PACRG: variants seen among roughly 807,000 people sequenced by gnomAD.
PACRG encodes parkin coregulated gene protein.
PACRG carries 29 observed loss-of-function variants against 29.7 expected under a neutral mutation model. The ratio of observed to expected loss-of-function variants is 0.98; its 90% confidence interval spans 0.73 to 1.33. PACRG has a LOEUF of 1.33. Ranked by LOEUF, PACRG falls within the 40% of genes most tolerant of loss-of-function variation. The pLI, the probability that PACRG is intolerant of heterozygous loss-of-function variation, is 0.00. For missense variants in PACRG, 279 were observed against 316.2 expected, an observed-to-expected ratio of 0.88 and a Z score of 0.89; for synonymous variants, 116 against 118.7, an observed-to-expected ratio of 0.98 and a Z score of 0.15.
intron 2 of PACRG, among the ~76,000 whole-genome samples, chr6:163,035,624 C>T (rs571479347): frequency 7.4e-5 from 11 of 149,156 alleles, no homozygotes; most frequent in East Asian, 5.9e-4. Flanking sequence ...CCAGCCTGGG[C>T]GACAGAGTAA....
At chr6:162,789,412 T>A (rs575640373) in intron 1 of PACRG, among the ~76,000 whole-genome samples, 144 of 152,282 alleles carry the variant, frequency 9.5e-4, no homozygotes, top group African/African-American at 3.3e-3. Flanking sequence ...TATTGGTACA[T>A]CAAGTATTTG....
chr6:163,080,114 G>T (rs749630840), intron 3 of PACRG, among the ~76,000 whole-genome samples: 1 of 151,790 alleles, frequency 6.6e-6, no homozygotes, highest in Non-Finnish European at 1.5e-5. Context: ...TAGCCAGGAT[G>T]GTCTCGATCT....
intron 4 of PACRG, chr6:163,112,076 G>T: frequency 6.3e-6 from 6 of 953,826 alleles, no homozygotes; most frequent in Non-Finnish European, 7.5e-6. Flanking sequence ...TAAAAGCAAG[G>T]CATTGAGGGA....
intron 2 of PACRG, among the ~76,000 whole-genome samples, chr6:162,868,365 A>G (rs1203211496): frequency 1.3e-5 from 2 of 152,254 alleles, no homozygotes; most frequent in Non-Finnish European, 2.9e-5. Flanking sequence ...AGAATTATCT[A>G]ACAGACAGAA....
intron 1 of PACRG, among the ~76,000 whole-genome samples, chr6:162,763,219 A>C (rs1252561164): frequency 6.6e-6 from 1 of 152,226 alleles, no homozygotes; most frequent in Non-Finnish European, 1.5e-5. Flanking sequence ...TATGGCTTGC[A>C]GTAAATGTTA....
chr6:163,002,841 A>T (rs1348916014), intron 2 of PACRG, among the ~76,000 whole-genome samples: 1 of 152,030 alleles, frequency 6.6e-6, no homozygotes, highest in African/African-American at 2.4e-5. Context: ...GAGAACCTTG[A>T]CTCCTCTGCA....
chr6:163,103,648 C>A (rs1385550672), intron 4 of PACRG, among the ~76,000 whole-genome samples: 1 of 152,082 alleles, frequency 6.6e-6, no homozygotes, highest in Admixed American at 6.5e-5. Context: ...GACTGAATAA[C>A]AAGGGGACGG....
At chr6:162,766,119 A>C (rs1191146831) in intron 1 of PACRG, among the ~76,000 whole-genome samples, 3 of 152,168 alleles carry the variant, frequency 2.0e-5, no homozygotes, top group Non-Finnish European at 4.4e-5. Context: ...TATGTAATAC[A>C]TTATGATTAA....
At chr6:163,044,532 C>G (rs1809114680) in intron 2 of PACRG, 1 of 152,096 alleles carries the variant, frequency 6.6e-6, no homozygotes, top group Non-Finnish European at 1.5e-5. Flanking sequence ...TTATGAAACA[C>G]AAGTTGTGAT....
At chr6:163,307,631 G>T (rs768022422) in intron 4 of PACRG, among the ~76,000 whole-genome samples, 12 of 152,162 alleles carry the variant, frequency 7.9e-5, no homozygotes, top group South Asian at 2.1e-4. Context: ...GGAAGCAGTG[G>T]CTAAGCATGG....
chr6:162,831,652 C>G (rs1286047216), intron 2 of PACRG, among the ~76,000 whole-genome samples: 1 of 152,134 alleles, frequency 6.6e-6, no homozygotes, highest in African/African-American at 2.4e-5. Context: ...GCTCTCCCTC[C>G]CCATGCACCT....
At chr6:162,783,114 T>C (rs955691398) in intron 1 of PACRG, among the ~76,000 whole-genome samples, 2 of 151,910 alleles carry the variant, frequency 1.3e-5, no homozygotes, top group Admixed American at 6.6e-5. Flanking sequence ...TTGTGATTGA[T>C]GAAATATTGC....
At chr6:163,026,064 A>G (rs1807100642) in intron 2 of PACRG, among the ~76,000 whole-genome samples, 1 of 152,244 alleles carries the variant, frequency 6.6e-6, no homozygotes, top group Non-Finnish European at 1.5e-5. Flanking sequence ...AAAGTTGGGC[A>G]CATCACATTG....
chr6:162,812,384 A>T (rs1427897037), intron 1 of PACRG, among the ~76,000 whole-genome samples: 1 of 152,136 alleles, frequency 6.6e-6, no homozygotes, highest in Non-Finnish European at 1.5e-5. Flanking sequence ...ACACACACAC[A>T]TGCACATACA....
chr6:163,230,961 TATGGTATTGAG>T (rs1362201497), intron 4 of PACRG, among the ~76,000 whole-genome samples: 1 of 152,132 alleles, frequency 6.6e-6, no homozygotes, highest in African/African-American at 2.4e-5. Context: ...CAGAAATGAA[TATGGTATTGAG>T]ATGGCAGAGG....
intron 4 of PACRG, among the ~76,000 whole-genome samples, chr6:163,191,168 CA>C (rs1780192601): frequency 6.6e-6 from 1 of 152,172 alleles, no homozygotes; most frequent in African/African-American, 2.4e-5. Context: ...TTTCCTAAGC[CA>C]TTCCACTTAA....
intron 4 of PACRG, among the ~76,000 whole-genome samples, chr6:163,159,404 A>G (rs73784512): frequency 0.067 from 10,114 of 151,394 alleles, 1,136 homozygotes; most frequent in African/African-American, 0.23. Flanking sequence ...TTTAGCTAAA[A>G]TGAAGTAAAT....
At chr6:163,114,498 CAT>C (rs1210823438) in intron 4 of PACRG, among the ~76,000 whole-genome samples, 1 of 151,910 alleles carries the variant, frequency 6.6e-6, no homozygotes, top group Non-Finnish European at 1.5e-5. Context: ...TTCTAACATC[CAT>C]ATATATATGC....
chr6:163,129,881 C>A (rs114376347), intron 4 of PACRG, among the ~76,000 whole-genome samples: 10,240 of 152,162 alleles, frequency 0.067, 400 homozygotes, highest in Middle Eastern at 0.092. Flanking sequence ...CAGTGCTTGG[C>A]AAATTATAAG....
Sources: gnomAD v4.1 joint callset for allele counts (sites outside exome capture counted in the v4.1 genomes callset) on GRCh38, gnomAD v4.1.1 for gene constraint, MANE v1.5 for transcripts, NCBI Gene and HGNC (gene_info 2026-07-23, HGNC 2026-07-21) for gene names.